The following CNTN6 variants were observed in gnomAD, a reference collection of about 807,000 sequenced individuals.
The protein encoded by CNTN6 is contactin-6.
CNTN6 carries 137 observed loss-of-function variants against 122.8 expected under a neutral mutation model. That is an observed-to-expected ratio of 1.12 (90% CI 0.97 to 1.29). The LOEUF (loss-of-function observed/expected upper bound fraction) is 1.29, where lower values mean the gene tolerates loss of function less well. Ranked by LOEUF, CNTN6 falls within the 50% of genes most tolerant of loss-of-function variation. CNTN6 has a pLI of 0.00. For missense variants in CNTN6, 1,634 were observed against 1,223.4 expected, an observed-to-expected ratio of 1.34 and a Z score of -5.01; for synonymous variants, 570 against 426.0, an observed-to-expected ratio of 1.34 and a Z score of -4.16.
At chr3:1,336,566 T>C (rs1012784704) in intron 11 of CNTN6, among the ~76,000 whole-genome samples, 55 of 152,244 alleles carry the variant, frequency 3.6e-4, no homozygotes, top group Non-Finnish European at 1.0e-4. Context: ...ATCTACTTAC[T>C]CCAAGTATAT....
intron 16 of CNTN6, among the ~76,000 whole-genome samples, chr3:1,375,414 CTG>C (rs1382605771): frequency 6.6e-6 from 1 of 152,086 alleles, no homozygotes; most frequent in Non-Finnish European, 1.5e-5. Context: ...CTCTCCCTCT[CTG>C]TCTCTGACAT....
At chr3:1,166,799 C>T (rs2093259910) in intron 2 of CNTN6, among the ~76,000 whole-genome samples, 1 of 152,094 alleles carries the variant, frequency 6.6e-6, no homozygotes, top group African/African-American at 2.4e-5. Context: ...AAACCAAACA[C>T]TGCATGTTCT....
intron 20 of CNTN6, among the ~76,000 whole-genome samples, chr3:1,400,960 A>G (rs1695611877): frequency 6.6e-6 from 1 of 152,144 alleles, no homozygotes; most frequent in Non-Finnish European, 1.5e-5. Flanking sequence ...TTTGCTTAAA[A>G]TATCTTGAGT....
At chr3:1,244,630 T>A (rs1204408542) in intron 4 of CNTN6, among the ~76,000 whole-genome samples, 3 of 152,204 alleles carry the variant, frequency 2.0e-5, no homozygotes, top group African/African-American at 7.2e-5. Flanking sequence ...ATTTCATGCG[T>A]GTCTGTGTGA....
chr3:1,388,158 C>T (rs1424931543), intron 20 of CNTN6, among the ~76,000 whole-genome samples: 3 of 151,630 alleles, frequency 2.0e-5, no homozygotes, highest in Non-Finnish European at 2.9e-5. Context: ...AGTTAAATGT[C>T]CCTGTCTGAC....
At chr3:1,223,302 C>T (rs993489975) in intron 3 of CNTN6, among the ~76,000 whole-genome samples, 2 of 152,130 alleles carry the variant, frequency 1.3e-5, no homozygotes, top group South Asian at 4.1e-4. Context: ...TCTCTCCTGG[C>T]GTCATCTTCC....
At chr3:1,237,041 A>G (rs1012914151) in intron 4 of CNTN6, among the ~76,000 whole-genome samples, 1 of 152,066 alleles carries the variant, frequency 6.6e-6, no homozygotes, top group African/African-American at 2.4e-5. Flanking sequence ...TGATCACGCC[A>G]CTGCACTCCA....
chr3:1,282,627 G>A (rs376646105), intron 5 of CNTN6, among the ~76,000 whole-genome samples: 33 of 152,156 alleles, frequency 2.2e-4, no homozygotes, highest in South Asian at 1.5e-3. Flanking sequence ...TAGGTTTCAC[G>A]AAGTTTTGTA....
Position 1,334,572 on chromosome 3 carries a change from A to G in CNTN6, c.1364+4637A>G, listed in dbSNP as rs73819709. On this transcript the variant is annotated intron_variant, in intron 11 of 22. Transcript: ENST00000446702. ...TTCTATCTTAGTTATAACTTTATAT[A>G]TGTTTTAATGATTTGCTTGGGTGAC... 6.5e-3 allele frequency among the ~76,000 whole-genome samples: 986 copies of G among 152,216 alleles called. 11 individuals carry two copies. Among genetic ancestry groups the G allele is most frequent in the African/African-American group, 0.022 (930 of 41,554 alleles).
rs1559597688 is a variant in CNTN6 at position 1,245,305 on chromosome 3, TATATA to T, written c.358+17313_358+17317del. Among the ~76,000 whole-genome samples the T allele has an allele frequency of 3.8e-4, 4 of 10,610 alleles. 1 individual carries two copies. Among genetic ancestry groups the T allele is most frequent in the Non-Finnish European group, 7.0e-4 (4 of 5,748 alleles). 7.0% of individuals were successfully genotyped at this position (10,610 alleles called of 152,430 possible). A position where few individuals can be genotyped will look rare whatever the true frequency, so the allele number is the denominator to read the frequency against. Reference sequence around the variant, plus strand: ...CACATATATATATAACATATATATATATATATATATATATATATATATATATATAT... The same window carrying T: ...CACATATATATATAACATATATATATTATATATATATATATATATATATAT... On this transcript the variant is annotated intron_variant, in intron 4 of 22. Coordinates refer to ENST00000446702, the MANE Select transcript of CNTN6 (RefSeq NM_001289080.2).
chr3:1,252,539 G>A (rs1486312820), intron 4 of CNTN6, among the ~76,000 whole-genome samples: 4 of 152,054 alleles, frequency 2.6e-5, no homozygotes, highest in Non-Finnish European at 5.9e-5. Context: ...TTCACTTTAC[G>A]GAAATAATAC....
intron 11 of CNTN6, among the ~76,000 whole-genome samples, chr3:1,332,144 T>C (rs1409510179): frequency 6.6e-6 from 1 of 151,950 alleles, no homozygotes; most frequent in Non-Finnish European, 1.5e-5. Flanking sequence ...CTCCTTACTG[T>C]GCATTCTTAA....
At chr3:1,349,064 G>T (rs1220135992) in intron 11 of CNTN6, among the ~76,000 whole-genome samples, 2 of 151,928 alleles carry the variant, frequency 1.3e-5, no homozygotes, top group Non-Finnish European at 2.9e-5. Context: ...AGTATTTGCT[G>T]ATTAAGAAGG....
chr3:1,109,738 C>A (rs183251612), intron 1 of CNTN6, among the ~76,000 whole-genome samples: 14 of 152,034 alleles, frequency 9.2e-5, no homozygotes, highest in Non-Finnish European at 5.9e-5. Context: ...CTTCTGAGAT[C>A]CATCTGAACA....
intron 2 of CNTN6, among the ~76,000 whole-genome samples, chr3:1,187,263 C>G (rs1407542063): frequency 1.3e-5 from 2 of 151,806 alleles, no homozygotes; most frequent in African/African-American, 4.9e-5. Context: ...CACACCAGTT[C>G]TATCCATACA....
At chr3:1,322,834 T>A (rs1434251004) in intron 8 of CNTN6, among the ~76,000 whole-genome samples, 1 of 151,656 alleles carries the variant, frequency 6.6e-6, no homozygotes, top group African/African-American at 2.4e-5. Flanking sequence ...AATTTTCTAC[T>A]CATTATTCTC....
chr3:1,375,805 T>A (rs1222046061), intron 16 of CNTN6, among the ~76,000 whole-genome samples: 2 of 152,092 alleles, frequency 1.3e-5, no homozygotes, highest in Non-Finnish European at 2.9e-5. Context: ...CGAAAAGGTA[T>A]ATCTGAAAGG....
chr3:1,271,403 C>A (rs1389278504), intron 4 of CNTN6, among the ~76,000 whole-genome samples: 1 of 152,026 alleles, frequency 6.6e-6, no homozygotes, highest in East Asian at 1.9e-4. Flanking sequence ...AACTAAAGGG[C>A]CTTTAGGAGC....
At chr3:1,388,053 GCC>G (rs533752940) in intron 20 of CNTN6, among the ~76,000 whole-genome samples, 2,062 of 152,264 alleles carry the variant, frequency 0.014, 35 homozygotes, top group African/African-American at 0.038. Context: ...ACTGGGTGGA[GCC>G]CACCACAGCT....
Sources: gnomAD v4.1 joint callset for allele counts (sites outside exome capture counted in the v4.1 genomes callset) on GRCh38, gnomAD v4.1.1 for gene constraint, MANE v1.5 for transcripts, NCBI Gene and HGNC (gene_info 2026-07-23, HGNC 2026-07-21) for gene names.